SGCZ: variants seen among roughly 807,000 people sequenced by gnomAD.
The protein encoded by SGCZ is sarcoglycan zeta.
A neutral mutation model predicts 41.3 loss-of-function variants in SGCZ; 40 were observed. That is an observed-to-expected ratio of 0.97 (90% CI 0.75 to 1.26). SGCZ has a LOEUF of 1.26. Ranked by LOEUF, SGCZ falls within the 50% of genes most tolerant of loss-of-function variation. The pLI is 0.00. For missense variants in SGCZ, 552 were observed against 369.8 expected (o/e 1.49, Z -4.04); for synonymous variants, 206 against 137.5 (o/e 1.50, Z -3.49).
At chr8:14,721,964 C>T (rs58971793) in intron 1 of SGCZ, among the ~76,000 whole-genome samples, 10,444 of 152,174 alleles carry the variant, frequency 0.069, 793 homozygotes, top group African/African-American at 0.19. Context: ...ACTGGCCCTT[C>T]TGCCTAAATA....
chr8:14,142,212 A>C (rs1334798658), intron 5 of SGCZ, among the ~76,000 whole-genome samples: 3 of 152,166 alleles, frequency 2.0e-5, no homozygotes, highest in Non-Finnish European at 4.4e-5. Context: ...GAAGTGCCTA[A>C]TGTAAATGAC....
chr8:14,920,124 C>T (rs934343320), intron 1 of SGCZ, among the ~76,000 whole-genome samples: 4 of 152,060 alleles, frequency 2.6e-5, no homozygotes, highest in African/African-American at 7.2e-5. Context: ...AATTTTGTAT[C>T]ATTTACAAGT....
At chr8:14,172,330 T>C (rs1292928528) in intron 4 of SGCZ, among the ~76,000 whole-genome samples, 2 of 152,136 alleles carry the variant, frequency 1.3e-5, no homozygotes, top group South Asian at 2.1e-4. Context: ...GAAAGGGATA[T>C]GGCCAACTCA....
intron 1 of SGCZ, among the ~76,000 whole-genome samples, chr8:15,233,233 A>G (rs1049323974): frequency 6.6e-6 from 1 of 151,806 alleles, no homozygotes; most frequent in Non-Finnish European, 1.5e-5. Context: ...AATGACTAAC[A>G]TAACAAAATA....
At chr8:14,541,622 T>A (rs887558898) in intron 2 of SGCZ, among the ~76,000 whole-genome samples, 1 of 152,170 alleles carries the variant, frequency 6.6e-6, no homozygotes, top group Non-Finnish European at 1.5e-5. Context: ...AGTAGAATAA[T>A]ACATAATCCT....
intron 5 of SGCZ, among the ~76,000 whole-genome samples, chr8:14,161,784 G>T (rs1804052867): frequency 6.6e-6 from 1 of 152,120 alleles, no homozygotes; most frequent in Admixed American, 6.5e-5. Context: ...GCAATACTAT[G>T]TGCATATATT....
At chr8:14,939,244 AC>A (rs1400247226) in intron 1 of SGCZ, among the ~76,000 whole-genome samples, 2 of 152,110 alleles carry the variant, frequency 1.3e-5, no homozygotes. Context: ...GATCTAGGGT[AC>A]CTTTGTCAGC....
At chr8:14,940,575 A>C (rs994079293) in intron 1 of SGCZ, among the ~76,000 whole-genome samples, 2 of 152,198 alleles carry the variant, frequency 1.3e-5, no homozygotes, top group African/African-American at 2.4e-5. Flanking sequence ...AGATTGGCTA[A>C]AGATTTAAAC....
intron 2 of SGCZ, among the ~76,000 whole-genome samples, chr8:14,376,764 T>C (rs895826533): frequency 1.3e-5 from 2 of 152,180 alleles, no homozygotes; most frequent in African/African-American, 2.4e-5. Flanking sequence ...ACAAATATCA[T>C]GTCAAATGTC....
intron 1 of SGCZ, among the ~76,000 whole-genome samples, chr8:14,666,920 AAT>A (rs34193402): frequency 0.35 from 53,114 of 151,642 alleles, 12,102 homozygotes; most frequent in African/African-American, 0.66. Context: ...AAACCCTAGA[AAT>A]ATGTTTGTAT....
intron 2 of SGCZ, among the ~76,000 whole-genome samples, chr8:14,428,419 T>C (rs1799849850): frequency 6.6e-6 from 1 of 152,122 alleles, no homozygotes; most frequent in South Asian, 2.1e-4. Flanking sequence ...CTTTCATTCA[T>C]ATAGACAAGC....
chr8:14,310,131 G>A (rs1173041602), intron 3 of SGCZ, among the ~76,000 whole-genome samples: 1 of 147,962 alleles, frequency 6.8e-6, no homozygotes, highest in Admixed American at 6.7e-5. Flanking sequence ...AATTTTCTTT[G>A]TTTCTTTTTA....
intron 3 of SGCZ, among the ~76,000 whole-genome samples, chr8:14,263,527 T>G (rs550510435): frequency 6.6e-6 from 1 of 152,090 alleles, no homozygotes; most frequent in African/African-American, 2.4e-5. Flanking sequence ...CCAGTCTGAA[T>G]GAGAAAATGA....
intron 2 of SGCZ, among the ~76,000 whole-genome samples, chr8:14,435,027 T>A (rs13266385): frequency 0.21 from 31,738 of 152,144 alleles, 3,875 homozygotes; most frequent in Non-Finnish European, 0.29. Flanking sequence ...CCAATTTTGT[T>A]AATACTAAAA....
chr8:14,595,636 T>C (rs939237263), intron 1 of SGCZ, among the ~76,000 whole-genome samples: 1 of 152,150 alleles, frequency 6.6e-6, no homozygotes, highest in African/African-American at 2.4e-5. Flanking sequence ...CTCCCTTCCC[T>C]CCTTTTATGA....
intron 2 of SGCZ, among the ~76,000 whole-genome samples, chr8:14,442,350 G>A (rs1284480307): frequency 2.0e-5 from 3 of 152,204 alleles, no homozygotes; most frequent in Non-Finnish European, 2.9e-5. Flanking sequence ...CTGCTGCCAT[G>A]TAAGAAGTGA....
chr8:15,007,806 A>G (rs187008394), intron 1 of SGCZ, among the ~76,000 whole-genome samples: 1 of 152,326 alleles, frequency 6.6e-6, no homozygotes, highest in African/African-American at 2.4e-5. Context: ...AGCAGCATTT[A>G]TTATTGTTAT....
chr8:14,609,717 A>G (rs1805865347), intron 1 of SGCZ, among the ~76,000 whole-genome samples: 1 of 152,204 alleles, frequency 6.6e-6, no homozygotes, highest in Non-Finnish European at 1.5e-5. Context: ...CTGAAGCCAG[A>G]GCTAAATTTG....
At chr8:15,003,536 A>C (rs555522150) in intron 1 of SGCZ, among the ~76,000 whole-genome samples, 10 of 152,346 alleles carry the variant, frequency 6.6e-5, no homozygotes, top group African/African-American at 2.4e-4. Flanking sequence ...AGTTAGTCAA[A>C]CCATACAATT....
Sources: allele counts gnomAD v4.1 joint callset (sites outside exome capture counted in the v4.1 genomes callset), GRCh38; gene constraint gnomAD v4.1.1; transcripts MANE v1.5; gene names NCBI Gene and HGNC (gene_info 2026-07-23, HGNC 2026-07-21).